The following XKR6 variants were observed in gnomAD, a reference collection of about 807,000 sequenced individuals.
The protein encoded by XKR6 is XK-related protein 6.
XKR6 carries 22 observed loss-of-function variants against 56.7 expected under a neutral mutation model. The ratio of observed to expected loss-of-function variants is 0.39; its 90% confidence interval spans 0.28 to 0.55. The LOEUF (loss-of-function observed/expected upper bound fraction) is 0.55. Ranked by LOEUF, XKR6 falls within the 20% of genes least tolerant of loss-of-function variation. The pLI is 0.66. For missense variants in XKR6, 852 were observed against 889.0 expected, an observed-to-expected ratio of 0.96 and a Z score of 0.53; for synonymous variants, 524 against 387.8, an observed-to-expected ratio of 1.35 and a Z score of -4.13.
At chr8:10,974,991 C>CT (rs991148354) in intron 1 of XKR6, among the ~76,000 whole-genome samples, 3 of 152,084 alleles carry the variant, frequency 2.0e-5, no homozygotes, top group Admixed American at 1.3e-4. Flanking sequence ...TTTTACCAAG[C>CT]TTTTTTTTAA....
intron 1 of XKR6, among the ~76,000 whole-genome samples, chr8:10,998,025 G>A (rs924766509): frequency 1.3e-5 from 2 of 152,120 alleles, no homozygotes; most frequent in African/African-American, 4.8e-5. Flanking sequence ...CCACAGAGGA[G>A]AGGCAACAGG....
intron 1 of XKR6, among the ~76,000 whole-genome samples, chr8:11,092,896 G>C (rs998153594): frequency 2.6e-5 from 4 of 152,200 alleles, no homozygotes; most frequent in African/African-American, 9.6e-5. Context: ...CAGGCCATGA[G>C]GGCCAAGGAG....
At chr8:11,134,298 C>A (rs542575939) in intron 1 of XKR6, among the ~76,000 whole-genome samples, 1 of 152,150 alleles carries the variant, frequency 6.6e-6, no homozygotes, top group Non-Finnish European at 1.5e-5. Context: ...TATCCCAATG[C>A]CTTAAGGGCG....
intron 1 of XKR6, among the ~76,000 whole-genome samples, chr8:11,086,892 G>C (rs1797910266): frequency 6.6e-6 from 1 of 152,190 alleles, no homozygotes; most frequent in African/African-American, 2.4e-5. Flanking sequence ...AGAGGCGTCG[G>C]AGGTCACCCG....
At chr8:11,041,829 T>C (rs1040250663) in intron 1 of XKR6, among the ~76,000 whole-genome samples, 19 of 152,312 alleles carry the variant, frequency 1.2e-4, no homozygotes, top group Non-Finnish European at 2.5e-4. Context: ...AATGGTCTAA[T>C]ACATTGATAC....
intron 1 of XKR6, among the ~76,000 whole-genome samples, chr8:11,010,027 G>C (rs913911027): frequency 9.2e-5 from 14 of 152,188 alleles, no homozygotes; most frequent in African/African-American, 3.4e-4. Flanking sequence ...AATTTATAAA[G>C]AAGAGAGGTT....
At chr8:10,900,872 T>TTTTTTTA (rs57246698) in intron 2 of XKR6, among the ~76,000 whole-genome samples, 18 of 149,644 alleles carry the variant, frequency 1.2e-4, no homozygotes, top group East Asian at 3.9e-4. Context: ...TTTTTTTTTT[T>TTTTTTTA]GAGACAGGGT....
At position 10,939,904 on chromosome 8, in the gene XKR6, C is replaced by T. The variant is rs186954012; in HGVS notation, c.765-15074G>A. Reference sequence around the variant, plus strand: ...GCATCTCCAGCTTCTCCCTGGGCTTCGGGGGTCCACAGCAGCCAGCCTCCC... The same window carrying T: ...GCATCTCCAGCTTCTCCCTGGGCTTTGGGGGTCCACAGCAGCCAGCCTCCC... On this transcript the variant is annotated intron_variant, in intron 1 of 2. Coordinates refer to ENST00000416569, the MANE Select transcript of XKR6 (RefSeq NM_173683.4). Among the ~76,000 whole-genome samples, 71 of 152,340 alleles carry T rather than the reference C, an allele frequency of 4.7e-4. 2 individuals are homozygous for T. In the East Asian group the frequency reaches 0.01, roughly 22 times the overall value.
At chr8:10,933,626 T>G (rs1253279437) in intron 1 of XKR6, among the ~76,000 whole-genome samples, 1 of 101,980 alleles carries the variant, frequency 9.8e-6, no homozygotes, top group Non-Finnish European at 2.1e-5. Context: ...GGCTAGCCAG[T>G]TTTCCTAGCA....
intron 1 of XKR6, among the ~76,000 whole-genome samples, chr8:10,955,804 G>A (rs773410028): frequency 6.6e-6 from 1 of 152,210 alleles, no homozygotes; most frequent in Non-Finnish European, 1.5e-5. Context: ...CTGTAACAGA[G>A]GTAGGATGAG....
At chr8:11,044,884 C>G (rs1185829129) in intron 1 of XKR6, among the ~76,000 whole-genome samples, 1 of 152,068 alleles carries the variant, frequency 6.6e-6, no homozygotes, top group South Asian at 2.1e-4. Context: ...TCCCAAAGTG[C>G]TGGGATTACA....
chr8:11,016,384 C>T (rs999878309), intron 1 of XKR6, among the ~76,000 whole-genome samples: 1 of 152,176 alleles, frequency 6.6e-6, no homozygotes, highest in African/African-American at 2.4e-5. Context: ...GCCGCGGGGA[C>T]GCCGGGGACT....
At chr8:10,984,215 C>A (rs749819758) in intron 1 of XKR6, among the ~76,000 whole-genome samples, 66 of 152,306 alleles carry the variant, frequency 4.3e-4, no homozygotes, top group Non-Finnish European at 2.2e-4. Flanking sequence ...AATTATACAA[C>A]CGTCTCCATA....
intron 1 of XKR6, among the ~76,000 whole-genome samples, chr8:11,005,124 C>T (rs1798335582): frequency 6.6e-6 from 1 of 151,918 alleles, no homozygotes; most frequent in African/African-American, 2.4e-5. Flanking sequence ...TTTTCTCATA[C>T]AGTCACATTG....
intron 1 of XKR6, among the ~76,000 whole-genome samples, chr8:11,035,924 G>C (rs1158156973): frequency 6.8e-6 from 1 of 147,280 alleles, no homozygotes. Context: ...TCTGAGTTGA[G>C]TTACCTGTGA....
intron 1 of XKR6, chr8:11,136,992 ATAG>A (rs1288825011): frequency 6.6e-6 from 1 of 152,360 alleles, no homozygotes; most frequent in African/African-American, 2.4e-5. Context: ...ATGAAATAGA[ATAG>A]TAGTGTTGAC....
At chr8:10,984,726 C>G (rs1373592271) in intron 1 of XKR6, among the ~76,000 whole-genome samples, 10 of 70,288 alleles carry the variant, frequency 1.4e-4, no homozygotes, top group African/African-American at 6.7e-4. Flanking sequence ...CTCTCTCTCT[C>G]TCTCTCTATA....
chr8:10,979,401 C>T (rs939977805), intron 1 of XKR6, among the ~76,000 whole-genome samples: 2 of 152,064 alleles, frequency 1.3e-5, no homozygotes, highest in South Asian at 4.1e-4. Flanking sequence ...AGGCAGCCAG[C>T]ACGTTCCTGG....
At chr8:10,970,911 G>GTC (rs1339346051) in intron 1 of XKR6, among the ~76,000 whole-genome samples, 7 of 151,532 alleles carry the variant, frequency 4.6e-5, no homozygotes, top group African/African-American at 2.4e-5. Context: ...CCAGGAAGAG[G>GTC]TCTCTCTCCT....
Sources: gnomAD v4.1 joint callset for allele counts (sites outside exome capture counted in the v4.1 genomes callset) on GRCh38, gnomAD v4.1.1 for gene constraint, MANE v1.5 for transcripts, NCBI Gene and HGNC (gene_info 2026-07-23, HGNC 2026-07-21) for gene names.